GPC5: variants seen among roughly 807,000 people sequenced by gnomAD.
The protein encoded by GPC5 is glypican 5.
A neutral mutation model predicts 53.9 loss-of-function variants in GPC5; 47 were observed. That is an observed-to-expected ratio of 0.87 (90% confidence interval 0.69 to 1.11). GPC5 has a LOEUF of 1.11. GPC5 is among the 50% of genes most tolerant of loss of function. GPC5 has a pLI of 0.00. For missense variants in GPC5, 748 were observed against 713.1 expected, an observed-to-expected ratio of 1.05 and a Z score of -0.56; for synonymous variants, 286 against 263.3, an observed-to-expected ratio of 1.09 and a Z score of -0.84.
At chr13:92,040,399 C>A (rs191593073) in intron 6 of GPC5, among the ~76,000 whole-genome samples, 8 of 152,254 alleles carry the variant, frequency 5.3e-5, no homozygotes, top group Admixed American at 2.6e-4. Flanking sequence ...CACCTTGCAC[C>A]CTGAGCTGTA....
chr13:92,844,187 T>C (rs948539717), intron 7 of GPC5, among the ~76,000 whole-genome samples: 1 of 152,076 alleles, frequency 6.6e-6, no homozygotes, highest in African/African-American at 2.4e-5. Flanking sequence ...TAACAGAGAC[T>C]CCATTTTCAT....
At chr13:91,611,502 A>AT (rs199961015) in intron 2 of GPC5, among the ~76,000 whole-genome samples, 4,112 of 152,310 alleles carry the variant, frequency 0.027, 75 homozygotes, top group Non-Finnish European at 0.04. Context: ...GAAATTTTAA[A>AT]GAACCTTCAG....
chr13:91,641,259 C>T (rs976203505), intron 2 of GPC5, among the ~76,000 whole-genome samples: 2 of 151,988 alleles, frequency 1.3e-5, no homozygotes, highest in African/African-American at 2.4e-5. Flanking sequence ...ACCCAGGAGG[C>T]GGAGCTTGCA....
intron 6 of GPC5, among the ~76,000 whole-genome samples, chr13:91,967,887 T>TTCTGTAACTCCTA (rs2040196144): frequency 6.6e-6 from 1 of 152,154 alleles, no homozygotes; most frequent in East Asian, 1.9e-4. Context: ...TTTTAATTTT[T>TTCTGTAACTCCTA]ATTGTTTTCA....
intron 7 of GPC5, among the ~76,000 whole-genome samples, chr13:92,693,456 G>C (rs1490321408): frequency 6.6e-6 from 1 of 152,150 alleles, no homozygotes; most frequent in Non-Finnish European, 1.5e-5. Context: ...GTCTCAGGTG[G>C]AGATAAGTAA....
intron 2 of GPC5, among the ~76,000 whole-genome samples, chr13:91,474,638 T>C (rs1389185255): frequency 6.6e-6 from 1 of 152,126 alleles, no homozygotes; most frequent in Admixed American, 6.5e-5. Context: ...ATTGCCCATT[T>C]ATAGCAGTTC....
intron 6 of GPC5, among the ~76,000 whole-genome samples, chr13:91,967,791 G>C (rs527335437): frequency 7.2e-5 from 11 of 152,146 alleles, no homozygotes; most frequent in African/African-American, 2.2e-4. Flanking sequence ...ATATTTATTA[G>C]CATGTAATTT....
At chr13:92,265,723 A>T (rs2042798126) in intron 7 of GPC5, among the ~76,000 whole-genome samples, 1 of 152,124 alleles carries the variant, frequency 6.6e-6, no homozygotes, top group African/African-American at 2.4e-5. Context: ...AGTTGCTTCC[A>T]TATTTTCAGG....
In GPC5 at chr13:92,527,182, GAAGAAAGAAAGA is replaced by G. The variant is rs1168907594; in HGVS notation, c.1562-339043_1562-339032del. Among the ~76,000 whole-genome samples, 185 of 45,132 alleles carry G rather than the reference GAAGAAAGAAAGA, an allele frequency of 4.1e-3. 8 individuals are homozygous for G. Among genetic ancestry groups the G allele is most frequent in the Middle Eastern group, 0.012 (1 of 82 alleles). The allele number at this position is 45,132 out of a possible 152,430, so 29.6% of individuals were successfully genotyped here. A position where few individuals can be genotyped will look rare whatever the true frequency, so the allele number is the denominator to read the frequency against. On this transcript the variant is annotated intron_variant, in intron 7 of 7. Transcript: ENST00000377067. ...AAAGAAAGAAAGAAAGAGAAAGAAAGAAGAAAGAAAGAAAGAAAGAAAGAAAGAAAGAAAGAA... is the reference window on the plus strand; with the variant it reads ...AAAGAAAGAAAGAAAGAGAAAGAAAGAAGAAAGAAAGAAAGAAAGAAAGAA...
At chr13:91,590,728 A>G (rs1439652833) in intron 2 of GPC5, among the ~76,000 whole-genome samples, 1 of 152,190 alleles carries the variant, frequency 6.6e-6, no homozygotes, top group Non-Finnish European at 1.5e-5. Context: ...TTGTCCTCTT[A>G]GAACTTACTA....
intron 2 of GPC5, among the ~76,000 whole-genome samples, chr13:91,564,050 C>A (rs1236457307): frequency 6.6e-6 from 1 of 152,068 alleles, no homozygotes; most frequent in Non-Finnish European, 1.5e-5. Flanking sequence ...ATTCTTGGCA[C>A]CCTATCTAGG....
At chr13:92,167,005 C>T (rs900303711) in intron 7 of GPC5, among the ~76,000 whole-genome samples, 10 of 151,172 alleles carry the variant, frequency 6.6e-5, no homozygotes, top group Middle Eastern at 3.2e-3. Flanking sequence ...CATATACACA[C>T]GCCCTATCCT....
At chr13:91,990,179 G>A (rs943366332) in intron 6 of GPC5, among the ~76,000 whole-genome samples, 6 of 152,134 alleles carry the variant, frequency 3.9e-5, no homozygotes, top group African/African-American at 1.4e-4. Context: ...TTTCACAACA[G>A]TTGTACCACA....
chr13:92,609,604 T>C (rs1354542958), intron 7 of GPC5, among the ~76,000 whole-genome samples: 1 of 152,200 alleles, frequency 6.6e-6, no homozygotes, highest in Non-Finnish European at 1.5e-5. Context: ...TCCTGCTGTG[T>C]TGACCAGCTT....
intron 1 of GPC5, among the ~76,000 whole-genome samples, chr13:91,406,346 A>G (rs77904353): frequency 9.1e-4 from 138 of 152,202 alleles, no homozygotes; most frequent in African/African-American, 3.2e-3. Flanking sequence ...GTGTACAATG[A>G]TATTTTTTGT....
intron 1 of GPC5, among the ~76,000 whole-genome samples, chr13:91,403,474 G>T (rs2138748738): frequency 6.6e-6 from 1 of 152,298 alleles, no homozygotes; most frequent in Non-Finnish European, 1.5e-5. Flanking sequence ...TTAAGGTGGG[G>T]TAGTTGTCAT....
At chr13:92,118,994 A>G (rs1242764019) in intron 6 of GPC5, among the ~76,000 whole-genome samples, 1 of 152,186 alleles carries the variant, frequency 6.6e-6, no homozygotes, top group African/African-American at 2.4e-5. Context: ...CTTTTTGCCT[A>G]TTGTGTATTA....
intron 5 of GPC5, among the ~76,000 whole-genome samples, chr13:91,769,031 C>G (rs559233321): frequency 2.0e-5 from 3 of 152,214 alleles, no homozygotes; most frequent in African/African-American, 7.2e-5. Flanking sequence ...CTCTTTCTCT[C>G]TCTGAAAGCA....
intron 2 of GPC5, among the ~76,000 whole-genome samples, chr13:91,546,690 C>A (rs1325587553): frequency 6.6e-6 from 1 of 151,928 alleles, no homozygotes; most frequent in African/African-American, 2.4e-5. Flanking sequence ...GAAAAATGAC[C>A]AGCAAAATGA....
Sources: gnomAD v4.1 joint callset for allele counts (sites outside exome capture counted in the v4.1 genomes callset) on GRCh38, gnomAD v4.1.1 for gene constraint, MANE v1.5 for transcripts, NCBI Gene and HGNC (gene_info 2026-07-23, HGNC 2026-07-21) for gene names.